The following LTF variants were observed in gnomAD, a reference collection of about 807,000 sequenced individuals.
LTF encodes the protein epididymis luminal protein 110.
In LTF, 91 loss-of-function variants were observed where a neutral mutation model predicts 87.2. That is an observed-to-expected ratio of 1.04 (90% CI 0.88 to 1.24). The LOEUF (loss-of-function observed/expected upper bound fraction) is 1.24. Ranked by LOEUF, LTF falls within the 50% of genes most tolerant of loss-of-function variation. The pLI is 0.00. For synonymous variants in LTF, 378 were observed against 356.1 expected (o/e 1.06, Z -0.69); for missense variants, 901 against 904.3 (o/e 1.00, Z 0.05).
intron 1 of LTF, among the ~76,000 whole-genome samples, chr3:46,473,285 T>C (rs1332021099): frequency 6.6e-6 from 1 of 152,206 alleles, no homozygotes; most frequent in Non-Finnish European, 1.5e-5. Context: ...GATTAATACC[T>C]TCTCTGTGCT....
chr3:46,448,964 C>T lies in LTF; in HGVS notation c.1111G>A (p.Glu371Lys), dbSNP rs773253706. 9.3e-6 allele frequency: 15 copies of T among 1,613,396 alleles called. No individual in the cohort carries two copies. Among genetic ancestry groups the T allele is most frequent in the South Asian group, 4.4e-5 (4 of 91,048 alleles). The change falls in exon 9 of 17, where the codon GAG becomes AAG. Residue 371 changes from glutamate (E) to lysine (K), a missense_variant. Glu to Lys is a moderately conservative substitution (Grantham distance 56). Transcript: ENST00000231751. ...RARVVWCAVG[E>K]QELRKCNQWS... ...TGGTTACACTTGCGCAGCTCCTGCT[C>T]GCCCACCGCACACCACACGACCCGC...
At chr3:46,450,375 A>T in intron 7 of LTF, 120 bp downstream of exon 7, 1 of 1,046,168 alleles carries the variant, frequency 9.6e-7, no homozygotes, top group Non-Finnish European at 1.4e-6. Flanking sequence ...CCAATGCATT[A>T]GTGTGCTATC....
chr3:46,448,569 C>T (rs1349701942), intron 9 of LTF, among the ~76,000 whole-genome samples: 1 of 152,120 alleles, frequency 6.6e-6, no homozygotes, highest in South Asian at 2.1e-4. Flanking sequence ...TGTGTGAGAT[C>T]ACAGGTGGTT....
upstream of LTF, among the ~76,000 whole-genome samples, chr3:46,467,802 C>T (rs923083293): frequency 1.4e-4 from 22 of 152,024 alleles, no homozygotes; most frequent in Non-Finnish European, 2.9e-4. Context: ...AGGCATAAAC[C>T]ATTGCACCCA....
chr3:46,474,863 G>GTTTT (rs1372314788), intron 1 of LTF, among the ~76,000 whole-genome samples: 1 of 152,174 alleles, frequency 6.6e-6, no homozygotes, highest in Non-Finnish European at 1.5e-5. Flanking sequence ...GTGGGTCAAA[G>GTTTT]AGGAAACCTC....
chr3:46,450,079 C>T, intron 7 of LTF, 51 bp from the exon 8 acceptor site: 1 of 1,404,060 alleles, frequency 7.1e-7, no homozygotes, highest in Non-Finnish European at 9.7e-7. Context: ...AGGGAGGAAA[C>T]AAAAAAATGA....
At chr3:46,449,729 C>T in intron 8 of LTF, 125 bp downstream of exon 8, 1 of 976,004 alleles carries the variant, frequency 1.0e-6, no homozygotes, top group Admixed American at 2.4e-5. Flanking sequence ...CTCACACCTG[C>T]ATCAAACCTC....
chr3:46,438,562 G>A (rs1031243274), intron 15 of LTF, among the ~76,000 whole-genome samples: 10 of 152,172 alleles, frequency 6.6e-5, no homozygotes. Flanking sequence ...CAGTGTGCAG[G>A]TCGGTCACCC....
At chr3:46,447,166 T>G in intron 10 of LTF, 142 bp downstream of exon 10, 1 of 661,062 alleles carries the variant, frequency 1.5e-6, no homozygotes, top group East Asian at 2.6e-5. Flanking sequence ...CACGGCCCCT[T>G]TCATTTCTTC....
chr3:46,468,408 C>A, upstream of LTF: 1 of 441,610 alleles, frequency 2.3e-6, no homozygotes, highest in Non-Finnish European at 4.5e-6. Flanking sequence ...GTGGAAACTG[C>A]CATGCAGTGG....
intron 2 of LTF, among the ~76,000 whole-genome samples, chr3:46,457,410 C>A (rs1468302036): frequency 1.3e-5 from 2 of 152,146 alleles, no homozygotes; most frequent in Non-Finnish European, 1.5e-5. Flanking sequence ...ATATCTTTGT[C>A]CTCAGTGTTT....
chr3:46,482,759 G>GAGAAAGAA, intron 1 of LTF, among the ~76,000 whole-genome samples: 1 of 122,808 alleles, frequency 8.1e-6, no homozygotes, highest in South Asian at 3.0e-4. Context: ...AAGAAGGAAA[G>GAGAAAGAA]AGAAAGAAAG....
chr3:46,482,659 A>AAG (rs1703458846), intron 1 of LTF, among the ~76,000 whole-genome samples: 52 of 60,258 alleles, frequency 8.6e-4, no homozygotes, highest in African/African-American at 1.2e-3. Flanking sequence ...AAAGAAAGAA[A>AAG]GAAGGAAGGA....
At chr3:46,459,427 T>C (rs992014121) in intron 2 of LTF, among the ~76,000 whole-genome samples, 7 of 152,238 alleles carry the variant, frequency 4.6e-5, no homozygotes, top group African/African-American at 1.4e-4. Context: ...TAACAGTTGT[T>C]ATTATAGTTT....
intron 5 of LTF, among the ~76,000 whole-genome samples, chr3:46,454,832 C>T (rs940666127): frequency 2.0e-5 from 3 of 152,196 alleles, no homozygotes; most frequent in African/African-American, 7.2e-5. Context: ...TCAGGCATTG[C>T]TCACTGTCCT....
chr3:46,441,179 G>GTA (rs1231089454), intron 14 of LTF, among the ~76,000 whole-genome samples: 2 of 146,408 alleles, frequency 1.4e-5, no homozygotes, highest in African/African-American at 4.9e-5. Context: ...GAGAGTGAGT[G>GTA]TGTGTGTGTG....
intron 1 of LTF, among the ~76,000 whole-genome samples, chr3:46,476,645 G>T (rs964024321): frequency 3.3e-5 from 5 of 152,152 alleles, no homozygotes; most frequent in Admixed American, 6.5e-5. Flanking sequence ...CTAAAAAACA[G>T]CTCTCAAATA....
Position 46,439,322 on chromosome 3 carries a change from G to T in LTF, c.1882C>A (p.Leu628Met), listed in dbSNP as rs1204477029. ...VVSRMDKVER[L>M]KQVLLHQQAK... ...TGTTGGTGGAGCAACACCTGTTTCAGGCGTTCCACCTTATCCATCCGAGAC... is the reference window on the plus strand; with the variant it reads ...TGTTGGTGGAGCAACACCTGTTTCATGCGTTCCACCTTATCCATCCGAGAC... Residue 628 changes from leucine to methionine, a missense_variant, in exon 15 of 17, where the codon CTG becomes ATG. Coordinates refer to ENST00000231751, the MANE Select transcript of LTF (RefSeq NM_002343.6). The T allele has an allele frequency of 6.2e-7, 1 of 1,613,554 alleles. No individual in the cohort carries two copies.
At chr3:46,475,018 G>A (rs923074177) in intron 1 of LTF, among the ~76,000 whole-genome samples, 1 of 152,138 alleles carries the variant, frequency 6.6e-6, no homozygotes, top group Non-Finnish European at 1.5e-5. Flanking sequence ...CCTCATATCA[G>A]TAATCTAAAC....
Sources: gnomAD v4.1 joint callset for allele counts (sites outside exome capture counted in the v4.1 genomes callset) on GRCh38, gnomAD v4.1.1 for gene constraint, MANE v1.5 for transcripts, NCBI Gene and HGNC (gene_info 2026-07-23, HGNC 2026-07-21) for gene names.